The following MID1 variants were observed in gnomAD, a reference collection of about 807,000 sequenced individuals.
The protein encoded by MID1 is midline 1, also known as E3 ubiquitin-protein ligase Midline-1.
In MID1, 7 loss-of-function variants were observed where a neutral mutation model predicts 40.4. The ratio of observed to expected loss-of-function variants is 0.17; its 90% CI spans 0.10 to 0.33. MID1 has a LOEUF of 0.33. Ranked by LOEUF, MID1 falls within the 10% of genes least tolerant of loss-of-function variation. The probability of loss-of-function intolerance (pLI) is 1.00; values close to 1 mark genes in which losing one functional copy is unlikely to be tolerated. For missense variants in MID1, 367 were observed against 558.5 expected (o/e 0.66, Z 3.46); for synonymous variants, 229 against 221.2 (o/e 1.04, Z -0.31).
chrX:10,553,073 C>T (rs960053250), intron 2 of MID1, among the ~76,000 whole-genome samples: 1 of 109,876 alleles, frequency 9.1e-6, no homozygotes, highest in African/African-American at 3.3e-5. Flanking sequence ...CCTGGCGAAA[C>T]CCCGTCTCTA....
Position 10,482,483 on chromosome X carries a change from T to G in MID1, c.1010A>C (p.Glu337Ala). The stretch of plus-strand genomic sequence containing the variant: ...TCCCAGGGGCCCCTGCACTCACCTC[T>G]CGGTGATATTCTTAGCAGTCTGTAG... ...RFLQTAKNITERVSMATASSQ... is the reference protein window; with the variant it reads ...RFLQTAKNITARVSMATASSQ... The change falls in exon 5 of 10, where the codon GAG (glutamate) becomes GCG (alanine). Residue 337 changes from glutamate (E) to alanine (A), a missense_variant. Glu to Ala is a moderately radical substitution (Grantham distance 107). This residue lies in a region of MID1 where 275 missense variants were observed against 383.1 expected (regional missense o/e 0.72). Transcript: ENST00000317552. The G allele has an allele frequency of 2.5e-6, 3 of 1,209,571 alleles. No homozygotes were observed. Among genetic ancestry groups the G allele is most frequent in the Non-Finnish European group, 3.4e-6 (3 of 894,598 alleles).
Position 10,567,379 on chromosome X carries a change from G to A in MID1, c.169C>T (p.Pro57Ser). 1.7e-6 allele frequency: 2 copies of A among 1,201,946 alleles called. No homozygotes were observed. Among genetic ancestry groups the A allele is most frequent in the Non-Finnish European group, 1.1e-6 (1 of 889,271 alleles). The change falls in exon 2 of 10, where the codon CCC (proline) becomes TCC (serine). Residue 57 changes from proline (P) to serine (S), a missense_variant. Physicochemically the swap from Pro to Ser is moderately conservative, Grantham distance 74. This residue lies in a region of MID1 where 78 missense variants were observed against 112.6 expected (regional missense o/e 0.69). Transcript: ENST00000317552. The part of the protein sequence containing the change: ...SVESITAFQC[P>S]TCRHVITLSQ... The stretch of plus-strand genomic sequence containing the variant: ...AGGGTGATGACATGCCGGCAGGTGG[G>A]GCACTGGAAGGCGGTGATGGACTCC...
intron 1 of MID1, among the ~76,000 whole-genome samples, chrX:10,817,104 C>T (rs753667442): frequency 2.4e-4 from 27 of 112,170 alleles, no homozygotes; most frequent in African/African-American, 6.8e-4. Context: ...GTATCTGGCA[C>T]TTCCACAGAA....
intron 1 of MID1, among the ~76,000 whole-genome samples, chrX:10,745,609 A>C (rs990771450): frequency 1.3e-4 from 15 of 112,638 alleles, no homozygotes; most frequent in African/African-American, 4.8e-4. Context: ...CATTACAAAG[A>C]TGAGGTTCTG....
In MID1 at chrX:10,478,640, A is replaced by G. The variant is rs893700415; in HGVS notation, c.1013+3840T>C. Among the ~76,000 whole-genome samples, 24 of 112,296 alleles carry G rather than the reference A, an allele frequency of 2.1e-4. No homozygotes were observed. The Admixed American group carries it at 2.3e-3, about 11-fold the overall frequency. ...TATAATTACTAAGCAATTAGCACAG[A>G]GCCAAACAACCGGTTCCAAAGCAAA... On this transcript the variant is annotated intron_variant, in intron 5 of 9. Transcript: ENST00000317552.
At chrX:10,790,350 T>C (rs1225536139) in intron 1 of MID1, among the ~76,000 whole-genome samples, 1 of 109,541 alleles carries the variant, frequency 9.1e-6, no homozygotes, top group Non-Finnish European at 1.9e-5. Context: ...GGTCTCACTA[T>C]GTTGCCCAGG....
rs1473385224 is a variant in MID1, at chrX:10,449,529, T to C, written c.1843A>G (p.Ile615Val). Residue 615 changes from isoleucine to valine, a missense_variant, in exon 10 of 10, where the codon ATC (isoleucine) becomes GTC (valine). Physicochemically the swap from Ile to Val is conservative, Grantham distance 29 (BLOSUM62 3). Around this residue, in one of 3 missense-constraint regions of MID1, gnomAD observed 275 missense variants for 383.1 expected, o/e 0.72. Transcript: ENST00000317552. ...GILLDYDNGS[I>V]AFYDALNSIH... ...GAGTTCAAAGCATCATAAAAGGCGA[T>C]AGAGCCGTTATCATAGTCCAGCAGG... 1.7e-6 allele frequency: 2 copies of C among 1,211,694 alleles called. No individual in the cohort carries two copies. The highest frequency in any genetic ancestry group is 1.8e-5 in the South Asian group (1 of 56,971).
chrX:10,757,528 A>G (rs1388789111), intron 1 of MID1, among the ~76,000 whole-genome samples: 1 of 112,420 alleles, frequency 8.9e-6, no homozygotes, highest in Non-Finnish European at 1.9e-5. Flanking sequence ...ACTTGCTGCA[A>G]TTGCTGAGGT....
chrX:10,509,398 TCTAA>T (rs1932001956), intron 3 of MID1, among the ~76,000 whole-genome samples: 1 of 111,871 alleles, frequency 8.9e-6, no homozygotes, highest in Non-Finnish European at 1.9e-5. Flanking sequence ...AAAGTGACTA[TCTAA>T]CTATTTTTTT....
intron 1 of MID1, among the ~76,000 whole-genome samples, chrX:10,718,425 G>A (rs1428127013): frequency 8.9e-6 from 1 of 112,081 alleles, no homozygotes; most frequent in Non-Finnish European, 1.9e-5. Flanking sequence ...ACACCTCTAT[G>A]CAAATAAACT....
At chrX:10,817,517 T>TTTCTTTCTTTCTTTCC (rs2044143921) in intron 1 of MID1, among the ~76,000 whole-genome samples, 1 of 36,493 alleles carries the variant, frequency 2.7e-5, no homozygotes, top group Non-Finnish European at 5.6e-5. Flanking sequence ...TTTTTTTCTC[T>TTTCTTTCTTTCTTTCC]TTCTTTCTTT....
At chrX:10,515,807 GTGT>G in intron 3 of MID1, among the ~76,000 whole-genome samples, 1 of 112,113 alleles carries the variant, frequency 8.9e-6, no homozygotes, top group East Asian at 2.8e-4. Flanking sequence ...AAGTGTCAAG[GTGT>G]TGTATTTGCT....
intron 1 of MID1, among the ~76,000 whole-genome samples, chrX:10,807,983 C>A (rs1007324488): frequency 1.4e-4 from 16 of 112,483 alleles, no homozygotes; most frequent in African/African-American, 5.2e-4. Context: ...CTACTTCAGT[C>A]TGCAGAACAG....
Position 10,495,605 on chromosome X carries a change from T to C in MID1, c.843A>G (p.Gly281=), listed in dbSNP as rs1931204337. The part of the protein sequence containing the change: ...EIIQQRRQII[G]TKIKEGKVMR... The stretch of plus-strand genomic sequence containing the variant: ...ATACCTTCCCTTCTTTGATCTTGGT[T>C]CCAATAATCTGTCGTCTTTGCTGAA... The change falls in exon 4 of 10, where the codon GGA becomes GGG. Residue 281 remains glycine, a synonymous_variant. Transcript: ENST00000317552. The C allele has an allele frequency of 7.5e-6, 9 of 1,206,885 alleles. No homozygotes were observed. The highest frequency in any genetic ancestry group is 1.0e-5 in the Non-Finnish European group (9 of 891,205).
intron 1 of MID1, among the ~76,000 whole-genome samples, chrX:10,589,431 C>T (rs1176274315): frequency 9.0e-6 from 1 of 111,053 alleles, no homozygotes; most frequent in African/African-American, 3.3e-5. Context: ...GCCACGCTTC[C>T]ACTCAAATGG....
intron 1 of MID1, among the ~76,000 whole-genome samples, chrX:10,721,796 T>C (rs141812547): frequency 0.023 from 2,515 of 110,503 alleles, 73 homozygotes; most frequent in African/African-American, 0.079. Context: ...CAGCCAAGCA[T>C]GGTGGCTTGT....
intron 1 of MID1, among the ~76,000 whole-genome samples, chrX:10,597,908 C>A (rs1602455172): frequency 9.0e-6 from 1 of 111,667 alleles, no homozygotes; most frequent in East Asian, 2.8e-4. Context: ...CATGTGATAT[C>A]TGCCATGTTC....
intron 1 of MID1, among the ~76,000 whole-genome samples, chrX:10,639,778 A>G (rs1261913146): frequency 8.9e-6 from 1 of 112,033 alleles, no homozygotes; most frequent in Non-Finnish European, 1.9e-5. Flanking sequence ...AGGTCGGGTT[A>G]CCCACAAAGG....
At chrX:10,706,066 A>G (rs2147085780) in intron 1 of MID1, among the ~76,000 whole-genome samples, 1 of 111,210 alleles carries the variant, frequency 9.0e-6, no homozygotes, top group East Asian at 2.8e-4. Flanking sequence ...TAGGATGTTT[A>G]GCAGCATCTC....
Sources: gnomAD v4.1 joint callset for allele counts (sites outside exome capture counted in the v4.1 genomes callset) on GRCh38, gnomAD v4.1.1 for gene constraint, gnomAD v4.1.1 regional missense constraint, MANE v1.5 for transcripts, NCBI Gene and HGNC (gene_info 2026-07-23, HGNC 2026-07-21) for gene names.